The following PFAS variants were observed in gnomAD, a reference collection of about 807,000 sequenced individuals.
PFAS encodes the protein FGAM synthase.
Under a neutral mutation model 140.6 loss-of-function variants are expected in PFAS, and 97 were observed. That is an observed-to-expected ratio of 0.69 (90% CI 0.59 to 0.82). The LOEUF (loss-of-function observed/expected upper bound fraction) is 0.82. Ranked by LOEUF, PFAS falls within the 40% of genes least tolerant of loss-of-function variation. The pLI, the probability that PFAS is intolerant of heterozygous loss-of-function variation, is 0.00. For synonymous variants in PFAS, 679 were observed against 718.8 expected (o/e 0.94, Z 0.88); for missense variants, 1,656 against 1,780.2 (o/e 0.93, Z 1.26).
rs1480844877 is a variant in PFAS, at chr17:8,258,158, C to T, written c.1295C>T (p.Ser432Phe). Reference protein sequence around the residue: ...KPIMFSGGIGSMEADHISKEA... With the variant: ...KPIMFSGGIGFMEADHISKEA... ...ATCATGTTTAGTGGGGGCATTGGGT[C>T]CATGGAAGCTGACCACATAAGCAAG... The change falls in exon 11 of 28, where the codon TCC (serine) becomes TTC (phenylalanine). Residue 432 changes from serine to phenylalanine, a missense_variant. By Grantham distance (155) the Ser-to-Phe change is radical. Transcript: ENST00000314666. The T allele has an allele frequency of 3.1e-6, 5 of 1,613,948 alleles. No homozygotes were observed. The highest frequency in any genetic ancestry group is 3.4e-6 in the Non-Finnish European group (4 of 1,180,020).
At chr17:8,260,057 C>A (rs528014012) in intron 11 of PFAS, among the ~76,000 whole-genome samples, 1 of 150,608 alleles carries the variant, frequency 6.6e-6, no homozygotes, top group African/African-American at 2.5e-5. Context: ...GCCAAGTTTA[C>A]GCCACTGCAC....
chr17:8,253,347 C>G (rs866390216), intron 1 of PFAS, among the ~76,000 whole-genome samples: 3 of 152,260 alleles, frequency 2.0e-5, no homozygotes, highest in Middle Eastern at 6.8e-3. Context: ...CAGGTGTGTG[C>G]CTGTACACCT....
chr17:8,252,066 G>A (rs1425300286), intron 1 of PFAS, among the ~76,000 whole-genome samples: 1 of 151,882 alleles, frequency 6.6e-6, no homozygotes, highest in Non-Finnish European at 1.5e-5. Context: ...GTCCGAGGCG[G>A]GCAGATCACT....
At chr17:8,263,544 T>G in intron 13 of PFAS, 31 bp from the exon 14 acceptor site, 1 of 1,596,236 alleles carries the variant, frequency 6.3e-7, no homozygotes, top group Non-Finnish European at 8.6e-7. Flanking sequence ...CACCACTAGG[T>G]CACTGCTTCT....
upstream of PFAS, chr17:8,247,786 G>C: frequency 5.1e-6 from 3 of 587,714 alleles, no homozygotes; most frequent in South Asian, 2.0e-5. Context: ...GAGAGTGAAC[G>C]GAGACCAGTT....
At chr17:8,252,121 C>T (rs1159135322) in intron 1 of PFAS, among the ~76,000 whole-genome samples, 2 of 151,416 alleles carry the variant, frequency 1.3e-5, no homozygotes, top group Non-Finnish European at 2.9e-5. Flanking sequence ...TAGGGAAACC[C>T]CGTCTCTACT....
upstream of PFAS, chr17:8,248,081 GGGGTGGGGATGGGGGT>G: frequency 1.4e-6 from 2 of 1,475,156 alleles, no homozygotes; most frequent in Non-Finnish European, 1.9e-6. Flanking sequence ...TGCTCGCTTG[GGGGTGGGGATGGGGGT>G]GGGGGGGCGC....
chr17:8,255,769 G>C (rs1989337681), intron 5 of PFAS, 36 bp from the exon 6 acceptor site: 28 of 1,604,860 alleles, frequency 1.7e-5, no homozygotes, highest in Non-Finnish European at 2.3e-5. Context: ...GGCTGCCTGA[G>C]TTCCATAGTC....
In PFAS at chr17:8,264,040, G is replaced by A. The variant is rs1490132178; in HGVS notation, c.1791+104G>A. On this transcript the variant is annotated intron_variant, in intron 15 of 27. Coordinates refer to ENST00000314666, the MANE Select transcript of PFAS (RefSeq NM_012393.3). ...CAAGGGAGAGAGACGAGAGGAAGAT[G>A]GGAGGTAGTGGCAAACAAGCTGTGG... is the stretch of plus-strand genomic sequence containing the variant. 6.8e-6 allele frequency: 10 copies of A among 1,471,928 alleles called. No individual in the cohort carries two copies. In the African/African-American group the frequency reaches 8.3e-5, roughly 12 times the overall value. The allele number at this position is 1,471,928 out of a possible 1,614,324, so 91.2% of individuals were successfully genotyped here. A position where few individuals can be genotyped will look rare whatever the true frequency, so the allele number is the denominator to read the frequency against.
chr17:8,247,979 CAA>C, upstream of PFAS: 1 of 1,602,714 alleles, frequency 6.2e-7, no homozygotes, highest in South Asian at 1.1e-5. Context: ...AAAAAAGGAA[CAA>C]GAGACGTAAT....
Position 8,267,198 on chromosome 17 carries a change from C to T in PFAS, c.3138C>T (p.Pro1046=), listed in dbSNP as rs765335620. Reference sequence around the variant, plus strand: ...GGATGGGGCCCAGCTATTGCCTGCCCCCCACCTTTCCCAAAGCCTCCGTGC... The same window carrying T: ...GGATGGGGCCCAGCTATTGCCTGCCTCCCACCTTTCCCAAAGCCTCCGTGC... The part of the protein sequence containing the change: ...RERMGPSYCL[P]PTFPKASVPR... The change falls in exon 24 of 28, where the codon CCC becomes CCT. Residue 1046 remains proline (P), a synonymous_variant. Coordinates refer to ENST00000314666, the MANE Select transcript of PFAS (RefSeq NM_012393.3). This position sits in a 1 kb window ranked among gnomAD's most constrained non-coding sequence, Gnocchi z 4.9. 20 of 1,606,156 alleles carry T rather than the reference C, an allele frequency of 1.2e-5. No homozygotes were observed. Among genetic ancestry groups the T allele is most frequent in the Admixed American group, 5.1e-5 (3 of 58,644 alleles).
intron 11 of PFAS, among the ~76,000 whole-genome samples, chr17:8,260,070 C>G (rs1989529676): frequency 6.6e-6 from 1 of 150,464 alleles, no homozygotes; most frequent in African/African-American, 2.4e-5. Context: ...CACTGCACTC[C>G]AGTCTGGACG....
chr17:8,268,581 G>C lies in PFAS; in HGVS notation c.3431G>C (p.Arg1144Thr), dbSNP rs1451200123. 2.5e-6 allele frequency: 4 copies of C among 1,612,786 alleles called. No individual in the cohort carries two copies. Among genetic ancestry groups the C allele is most frequent in the Non-Finnish European group, 3.4e-6 (4 of 1,179,950 alleles). ...CATCCCAGGGCTGGGGCTGAGCTGA[G>C]GCGCTTCCGGAAGCGGCCAGACACC... ...TFHPRAGAELRRFRKRPDTFS... is the reference protein window; with the variant it reads ...TFHPRAGAELTRFRKRPDTFS... Residue 1144 changes from arginine (R) to threonine (T), a missense_variant, in exon 27 of 28, where the codon AGG becomes ACG. This residue lies in a region of PFAS where 883 missense variants were observed against 1,023.0 expected (regional missense o/e 0.86). Transcript: ENST00000314666.
rs776409482 is a variant in PFAS, at chr17:8,262,931, G to A, written c.1348G>A (p.Val450Ile). 3 of 1,614,020 alleles carry A rather than the reference G, an allele frequency of 1.9e-6. No individual in the cohort carries two copies. Among genetic ancestry groups the A allele is most frequent in the Admixed American group, 3.3e-5 (2 of 60,024 alleles). ...KEAPEPGMEV[V>I]KVGGPVYRIG... ...TTCCCTTCTTACAGGCATGGAAGTTGTAAAGGTTGGAGGTCCCGTCTACAG... is the reference window on the plus strand; with the variant it reads ...TTCCCTTCTTACAGGCATGGAAGTTATAAAGGTTGGAGGTCCCGTCTACAG... The change falls in exon 12 of 28, where the codon GTA becomes ATA. Residue 450 changes from valine (V) to isoleucine (I), a missense_variant. Val to Ile is a conservative substitution (Grantham distance 29). Around this residue, in one of 2 missense-constraint regions of PFAS, gnomAD observed 773 missense variants for 757.3 expected, o/e 1.02. Coordinates refer to ENST00000314666, the MANE Select transcript of PFAS (RefSeq NM_012393.3).
chr17:8,247,892 G>A, upstream of PFAS: 1 of 1,098,550 alleles, frequency 9.1e-7, no homozygotes, highest in Non-Finnish European at 1.4e-6. Context: ...CCTCACCCAT[G>A]GGCCGGACGC....
At chr17:8,251,064 G>A (rs1989130533) in intron 1 of PFAS, among the ~76,000 whole-genome samples, 1 of 151,976 alleles carries the variant, frequency 6.6e-6, no homozygotes, top group Non-Finnish European at 1.5e-5. Flanking sequence ...GAGGTGGGTG[G>A]ATCACGAGTT....
chr17:8,248,525 T>C (rs1442912422), upstream of PFAS, among the ~76,000 whole-genome samples: 1 of 148,112 alleles, frequency 6.8e-6, no homozygotes. Flanking sequence ...CCTCCCAAAG[T>C]GCTGGGATTA....
intron 11 of PFAS, among the ~76,000 whole-genome samples, chr17:8,260,062 C>T (rs1164023699): frequency 6.6e-6 from 1 of 151,436 alleles, no homozygotes; most frequent in Non-Finnish European, 1.5e-5. Flanking sequence ...GTTTACGCCA[C>T]TGCACTCCAG....
At chr17:8,260,061 A>G (rs1989529204) in intron 11 of PFAS, among the ~76,000 whole-genome samples, 1 of 152,016 alleles carries the variant, frequency 6.6e-6, no homozygotes, top group Admixed American at 6.6e-5. Flanking sequence ...AGTTTACGCC[A>G]CTGCACTCCA....
Sources: gnomAD v4.1 joint callset for allele counts (sites outside exome capture counted in the v4.1 genomes callset) on GRCh38, gnomAD v4.1.1 for gene constraint, gnomAD v4.1.1 regional missense constraint, Gnocchi (gnomAD v3.1) non-coding constraint, MANE v1.5 for transcripts, NCBI Gene and HGNC (gene_info 2026-07-23, HGNC 2026-07-21) for gene names.